Variants in CAPN2 observed in about 807,000 individuals in gnomAD.
CAPN2 encodes calpain-2 catalytic subunit.
CAPN2 carries 92 observed loss-of-function variants against 102.3 expected under a neutral mutation model. The observed-to-expected ratio is 0.90, with a 90% CI of 0.76 to 1.07. The LOEUF is 1.07. CAPN2 is among the 50% of genes least tolerant of loss of function. The pLI is 0.00. For synonymous variants in CAPN2, 340 were observed against 355.4 expected, an observed-to-expected ratio of 0.96 and a Z score of 0.49; for missense variants, 800 against 909.4, an observed-to-expected ratio of 0.88 and a Z score of 1.55.
intron 16 of CAPN2, among the ~76,000 whole-genome samples, chr1:223,769,495 T>C (rs1661416365): frequency 6.6e-6 from 1 of 152,014 alleles, no homozygotes; most frequent in Admixed American, 6.6e-5. Flanking sequence ...CTCTTAGATA[T>C]ACTCCACATA....
chr1:223,706,391 T>C (rs1209411062), intron 1 of CAPN2, among the ~76,000 whole-genome samples: 1 of 152,200 alleles, frequency 6.6e-6, no homozygotes, highest in East Asian at 1.9e-4. Flanking sequence ...AAGAAATCTC[T>C]TTTCAAATGA....
At chr1:223,752,643 G>A (rs571295814) in intron 8 of CAPN2, among the ~76,000 whole-genome samples, 153 bp from the exon 9 acceptor site, 1 of 152,130 alleles carries the variant, frequency 6.6e-6, no homozygotes, top group East Asian at 1.9e-4. Flanking sequence ...CTGGAATCTG[G>A]GCCTTCTGAT....
chr1:223,757,845 G>GTTT (rs35617793), intron 11 of CAPN2: 3 of 142,564 alleles, frequency 2.1e-5, no homozygotes, highest in Non-Finnish European at 4.6e-5. Context: ...TCAGGGTTTT[G>GTTT]TTTTTTTTTT....
In CAPN2 at chr1:223,726,386, C is replaced by T. The variant is rs982707245; in HGVS notation, c.307+8555C>T. On this transcript the variant is annotated intron_variant, in intron 2 of 20. Coordinates refer to ENST00000295006, the MANE Select transcript of CAPN2 (RefSeq NM_001748.5). This position sits in a 1 kb window ranked among gnomAD's most constrained non-coding sequence, Gnocchi z 4.4. The stretch of plus-strand genomic sequence containing the variant: ...TCTGCTGGGGTACTGGAGATAAAAA[C>T]TCTGATATTGACTAGTGACCGTGGG... Among the ~76,000 whole-genome samples the T allele has an allele frequency of 2.6e-5, 4 of 152,154 alleles. No homozygotes were observed. The highest frequency in any genetic ancestry group is 5.9e-5 in the Non-Finnish European group (4 of 68,036).
Position 223,759,327 on chromosome 1 carries a change from A to G in CAPN2, c.1375A>G (p.Arg459Gly), listed in dbSNP as rs1661125916. 6.2e-7 allele frequency: 1 copy of G among 1,614,236 alleles called. No homozygotes were observed. Among genetic ancestry groups the G allele is most frequent in the Non-Finnish European group, 8.5e-7 (1 of 1,180,028 alleles). The change falls in exon 12 of 21, where the codon AGG (arginine) becomes GGG (glycine). Residue 459 changes from arginine to glycine, a missense_variant. By Grantham distance (125) the Arg-to-Gly change is moderately radical. Coordinates refer to ENST00000295006, the MANE Select transcript of CAPN2 (RefSeq NM_001748.5). This position sits in a 1 kb window ranked among gnomAD's most constrained non-coding sequence, Gnocchi z 4.6. ...SKNFFLTNRA[R>G]ERSDTFINLR... is the part of the protein sequence containing the mutation. Reference sequence around the variant, plus strand: ...AAACTTCTTCCTGACGAATCGCGCCAGGGAGCGCTCAGACACCTTCATCAA... The same window carrying G: ...AAACTTCTTCCTGACGAATCGCGCCGGGGAGCGCTCAGACACCTTCATCAA...
At chr1:223,773,679 CAA>C (rs971844696) in intron 20 of CAPN2, among the ~76,000 whole-genome samples, 3 of 151,600 alleles carry the variant, frequency 2.0e-5, no homozygotes, top group African/African-American at 7.3e-5. Context: ...GCCTGGGCAA[CAA>C]GAGCAAAACT....
At chr1:223,773,983 T>TCTTG (rs1360320415) in intron 20 of CAPN2, among the ~76,000 whole-genome samples, 3 of 152,142 alleles carry the variant, frequency 2.0e-5, no homozygotes, top group African/African-American at 7.2e-5. Context: ...CAGTGAGCCA[T>TCTTG]GATCTCCCCA....
intron 17 of CAPN2, 74 bp from the exon 18 acceptor site, chr1:223,770,373 C>T: frequency 2.1e-6 from 2 of 959,498 alleles, no homozygotes; most frequent in Non-Finnish European, 3.3e-6. Context: ...CATCCCCACT[C>T]AGCACATACT....
upstream of CAPN2, among the ~76,000 whole-genome samples, chr1:223,708,392 C>G (rs1045966150): frequency 6.6e-6 from 1 of 151,064 alleles, no homozygotes; most frequent in Admixed American, 6.6e-5. Flanking sequence ...CCATTGCACT[C>G]CAGCCCGGGC....
chr1:223,704,230 G>A (rs763051755), intron 1 of CAPN2, among the ~76,000 whole-genome samples: 7 of 152,098 alleles, frequency 4.6e-5, no homozygotes, highest in Admixed American at 1.3e-4. Context: ...GGTAGAGGTC[G>A]CGGTGAGTCG....
At chr1:223,769,969 A>C in intron 17 of CAPN2, 60 bp downstream of exon 17, 1 of 1,293,750 alleles carries the variant, frequency 7.7e-7, no homozygotes, top group Non-Finnish European at 1.1e-6. Flanking sequence ...ATATGCTTTA[A>C]GATGCAGCAA....
chr1:223,751,125 G>C, intron 7 of CAPN2, 150 bp downstream of exon 7: 1 of 702,292 alleles, frequency 1.4e-6, no homozygotes, highest in South Asian at 1.8e-5. Flanking sequence ...CGTGGACAGG[G>C]GCCCCTCAAA....
chr1:223,721,989 A>C (rs1419646311), intron 2 of CAPN2, among the ~76,000 whole-genome samples: 2 of 152,218 alleles, frequency 1.3e-5, no homozygotes, highest in African/African-American at 4.8e-5. Flanking sequence ...ATTGCCGAAG[A>C]AAAAGAGGAT....
intron 16 of CAPN2, among the ~76,000 whole-genome samples, chr1:223,768,717 T>C (rs999159997): frequency 6.6e-6 from 1 of 151,548 alleles, no homozygotes; most frequent in African/African-American, 2.4e-5. Flanking sequence ...TTTCCAATTC[T>C]GTGAAGAAAG....
intron 16 of CAPN2, among the ~76,000 whole-genome samples, chr1:223,768,830 T>C: frequency 6.6e-6 from 1 of 151,862 alleles, no homozygotes; most frequent in African/African-American, 2.4e-5. Context: ...CATGGAATGT[T>C]CTTCCATTTG....
chr1:223,745,542 G>A (rs1295538417), intron 4 of CAPN2, 103 bp downstream of exon 4: 19 of 1,365,684 alleles, frequency 1.4e-5, no homozygotes, highest in Non-Finnish European at 1.8e-5. Context: ...AGGCCGAGGT[G>A]GGTGGATCAT....
intron 5 of CAPN2, 68 bp downstream of exon 5, chr1:223,747,233 C>G: frequency 6.9e-7 from 1 of 1,456,986 alleles, no homozygotes; most frequent in Non-Finnish European, 9.3e-7. Context: ...CCCACAGTGC[C>G]CAAGGGAACC....
chr1:223,755,382 A>C lies in CAPN2; in HGVS notation c.1136-98A>C. ...CCTCCCACCATCTCCCTTTATCTCC[A>C]TCCCTCTCAGAAGCCTCCAAGCCTG... On this transcript the variant is annotated intron_variant, in intron 9 of 20. Transcript: ENST00000295006. This position sits in a 1 kb window ranked among gnomAD's most constrained non-coding sequence, Gnocchi z 4.1. The C allele has an allele frequency of 8.4e-7, 1 of 1,188,338 alleles. No individual in the cohort carries two copies. Among genetic ancestry groups the C allele is most frequent in the Non-Finnish European group, 1.2e-6 (1 of 826,168 alleles). 73.6% of individuals were successfully genotyped at this position (1,188,338 alleles called of 1,614,324 possible).
chr1:223,708,810 GAGA>G (rs1442276833), upstream of CAPN2, among the ~76,000 whole-genome samples: 1 of 148,514 alleles, frequency 6.7e-6, no homozygotes, highest in Admixed American at 6.8e-5. Context: ...GAGAGAAGGA[GAGA>G]AGGAGAGGAA....
Sources: gnomAD v4.1 joint callset for allele counts (sites outside exome capture counted in the v4.1 genomes callset) on GRCh38, gnomAD v4.1.1 for gene constraint, Gnocchi (gnomAD v3.1) non-coding constraint, MANE v1.5 for transcripts, NCBI Gene and HGNC (gene_info 2026-07-23, HGNC 2026-07-21) for gene names.